Variants in PIGT observed in about 807,000 individuals in gnomAD.
The protein encoded by PIGT is GPI-anchor transamidase component PIGT.
Under a neutral mutation model 66.7 loss-of-function variants are expected in PIGT, and 57 were observed. The ratio of observed to expected loss-of-function variants is 0.86; its 90% CI spans 0.69 to 1.07. The LOEUF is 1.07. Among genes scored for constraint, PIGT ranks in the 50% least tolerant of loss-of-function variants. The probability of loss-of-function intolerance (pLI) is 0.00; values close to 1 mark genes in which losing one functional copy is unlikely to be tolerated. For missense variants in PIGT, 725 were observed against 740.4 expected (o/e 0.98, Z 0.24); for synonymous variants, 362 against 320.5 (o/e 1.13, Z -1.38).
intron 2 of PIGT, chr20:45,417,037 T>C: frequency 1.1e-5 from 2 of 182,692 alleles, no homozygotes; most frequent in Non-Finnish European, 2.3e-5. Context: ...AAGCCAACCA[T>C]AACATATCTG....
At chr20:45,424,907 C>T in intron 11 of PIGT, 2 of 345,114 alleles carry the variant, frequency 5.8e-6, no homozygotes, top group Non-Finnish European at 1.1e-5. Context: ...ACAGACTTGG[C>T]CCTGGCCTCC....
intron 8 of PIGT, 31 bp downstream of exon 8, chr20:45,420,724 T>G (rs1990308655): frequency 1.2e-6 from 2 of 1,610,264 alleles, no homozygotes; most frequent in Non-Finnish European, 1.7e-6. Flanking sequence ...ACTGCTGGGT[T>G]GCAACGGCTA....
Position 45,416,530 on chromosome 20 carries a change from G to C in PIGT, c.201G>C (p.Arg67Ser), listed in dbSNP as rs768625860. 1.3e-5 allele frequency: 21 copies of C among 1,613,968 alleles called. No homozygotes were observed. In the South Asian group the frequency reaches 2.3e-4, roughly 18 times the overall value. The change falls in exon 2 of 12, where the codon AGG becomes AGC. Residue 67 changes from arginine to serine, a missense_variant. Arg to Ser is a moderately radical substitution (Grantham distance 110, BLOSUM62 -1). Transcript: ENST00000279036. ...CCGTTTCCCCAGTGTCCCATTACAGGCTCTTTCCCAAAGCCCTGGGGCAGC... is the reference window on the plus strand; with the variant it reads ...CCGTTTCCCCAGTGTCCCATTACAGCCTCTTTCCCAAAGCCCTGGGGCAGC... ...ELQREGVSHY[R>S]LFPKALGQLI...
At chr20:45,424,118 A>G in intron 9 of PIGT, 98 bp from the exon 10 acceptor site, 8 of 1,115,890 alleles carry the variant, frequency 7.2e-6, no homozygotes, top group Non-Finnish European at 1.1e-5. Context: ...CCCATCTTCT[A>G]GGCACCCAGA....
Position 45,425,746 on chromosome 20 carries a change from A to G in PIGT, c.1657A>G (p.Ile553Val), listed in dbSNP as rs768408929. 4 of 1,613,896 alleles carry G rather than the reference A, an allele frequency of 2.5e-6. No homozygotes were observed. Among genetic ancestry groups the G allele is most frequent in the Middle Eastern group, 1.6e-4 (1 of 6,084 alleles). The change falls in exon 12 of 12, where the codon ATC becomes GTC. Residue 553 changes from isoleucine to valine, a missense_variant. By Grantham distance (29) the Ile-to-Val change is conservative. Transcript: ENST00000279036. ...FYNLLTRTFH[I>V]EEPRTGGLAK... ...CAATCTCCTCACCCGAACCTTCCAC[A>G]TCGAGGAGCCCCGCACAGGTGGCCT...
In PIGT at chr20:45,419,608, G is replaced by A. The variant is rs928745692; in HGVS notation, c.681+18G>A. On this transcript the variant is annotated intron_variant, in intron 5 of 11. Transcript: ENST00000279036. Reference sequence around the variant, plus strand: ...TTTGCAGAGTAAGTCATGGGGAGTAGAGGAAGCTGCCATCCAGGGGCTCAG... The same window carrying A: ...TTTGCAGAGTAAGTCATGGGGAGTAAAGGAAGCTGCCATCCAGGGGCTCAG... 3.8e-6 allele frequency: 6 copies of A among 1,568,730 alleles called. No individual in the cohort carries two copies. In the Admixed American group the frequency reaches 5.0e-5, roughly 13 times the overall value.
rs144409753 is a variant in PIGT at position 45,419,521 on chromosome 20, G to T, written c.612G>T (p.Leu204=). 28 of 1,614,088 alleles carry T rather than the reference G, an allele frequency of 1.7e-5. No homozygotes were observed. The African/African-American group carries it at 3.2e-4, about 18-fold the overall frequency. The change falls in exon 5 of 12, where the codon CTG becomes CTT. Residue 204 remains leucine, a synonymous_variant. Coordinates refer to ENST00000279036, the MANE Select transcript of PIGT (RefSeq NM_015937.6). Reference sequence around the variant, plus strand: ...TCCTCCAGGCAGGCCTCTCTGTGCTGCTGAAGGCAGATCGCTTGTTCCACA... The same window carrying T: ...TCCTCCAGGCAGGCCTCTCTGTGCTTCTGAAGGCAGATCGCTTGTTCCACA... The part of the protein sequence containing the change: ...PCSSKAGLSV[L]LKADRLFHTS...
chr20:45,423,549 C>A (rs2741568), intron 9 of PIGT: 1 of 151,790 alleles, frequency 6.6e-6, no homozygotes, highest in Non-Finnish European at 1.5e-5. Flanking sequence ...CTAGACTATT[C>A]TTAGAGCAGT....
At position 45,420,067 on chromosome 20, in the gene PIGT, G is replaced by C. The variant is rs747285837; in HGVS notation, c.682-69G>C. ...ATAGATGAGGGATTGAGTCTGAGTA[G>C]GAGTCTTTTTGGGGGCTGTGTGGTG... On this transcript the variant is annotated intron_variant, in intron 5 of 11. Transcript: ENST00000279036. 137 of 1,070,452 alleles carry C rather than the reference G, an allele frequency of 1.3e-4. 2 individuals carry two copies. In the South Asian group the frequency reaches 1.8e-3, roughly 14 times the overall value. 66.3% of individuals were successfully genotyped at this position (1,070,452 alleles called of 1,614,324 possible).
At position 45,419,978 on chromosome 20, in the gene PIGT, G is replaced by A. The variant is rs1990247385; in HGVS notation, c.682-158G>A. ...CTGATGCACATACAGCTGTCAGCAC[G>A]GGGTCTGGCACGAGGTCAAGTGCTC... On this transcript the variant is annotated intron_variant, in intron 5 of 11. Transcript: ENST00000279036. 2.2e-5 allele frequency: 14 copies of A among 626,364 alleles called. No homozygotes were observed. The South Asian group carries it at 2.4e-4, about 11-fold the overall frequency. The allele number at this position is 626,364 out of a possible 1,614,324, so 38.8% of individuals were successfully genotyped here.
In PIGT at chr20:45,416,593, A is replaced by C; in HGVS notation, c.264A>C (p.Ser88=). 6.2e-7 allele frequency: 1 copy of C among 1,614,194 alleles called. No homozygotes were observed. Among genetic ancestry groups the C allele is most frequent in the Non-Finnish European group, 8.5e-7 (1 of 1,180,020 alleles). ...ATTCTCTACGGGAGCTGCACCTGTC[A>C]TTCACACAAGGCTTTTGGAGGACCC... ...SKYSLRELHL[S]FTQGFWRTRY... The change falls in exon 2 of 12, where the codon TCA becomes TCC. Residue 88 remains serine (S), a synonymous_variant. Coordinates refer to ENST00000279036, the MANE Select transcript of PIGT (RefSeq NM_015937.6).
At position 45,416,515 on chromosome 20, in the gene PIGT, A is replaced by C. The variant is rs771691280; in HGVS notation, c.188-2A>C. On this transcript the variant is annotated splice_acceptor_variant, in intron 1 of 11. Coordinates refer to ENST00000279036, the MANE Select transcript of PIGT (RefSeq NM_015937.6). LOFTEE classifies it high-confidence loss of function. ...GTCACTCACCTGCTCCCGTTTCCCC[A>C]GTGTCCCATTACAGGCTCTTTCCCA... 2.5e-6 allele frequency: 4 copies of C among 1,613,572 alleles called. No homozygotes were observed. In the Admixed American group the frequency reaches 6.7e-5, roughly 27 times the overall value.
intron 5 of PIGT, chr20:45,419,902 T>A (rs1990239862): frequency 6.7e-6 from 4 of 599,526 alleles, no homozygotes; most frequent in Non-Finnish European, 1.2e-5. Flanking sequence ...CCCTGCCACA[T>A]GACATTGATA....
At chr20:45,422,912 A>C (rs908545058) in intron 9 of PIGT, 1 of 152,028 alleles carries the variant, frequency 6.6e-6, no homozygotes, top group Non-Finnish European at 1.5e-5. Context: ...GCTTTATACT[A>C]AGTTCCTCTC....
At position 45,420,372 on chromosome 20, in the gene PIGT, G is replaced by A; in HGVS notation, c.810G>A (p.Glu270=). Residue 270 remains glutamate (E), a synonymous_variant, in exon 7 of 12, where the codon GAG becomes GAA. Transcript: ENST00000279036. ...GGATGTTCTCCCGAACCCTCACGGA[G>A]CCCTGCCCCCTGGCTTCAGAGAGCC... ...LFRMFSRTLT[E]PCPLASESRV... is the part of the protein sequence containing the mutation. 1.2e-6 allele frequency: 2 copies of A among 1,613,660 alleles called. No individual in the cohort carries two copies. Among genetic ancestry groups the A allele is most frequent in the South Asian group, 2.2e-5 (2 of 91,006 alleles).
Position 45,421,435 on chromosome 20 carries a change from G to A in PIGT, c.1086G>A (p.Gly362=). The part of the protein sequence containing the change: ...LHAQRYVSGY[G]LQKGELSTLL... ...CCCAGCGGTACGTGAGTGGCTATGGGCTGCAGAAGGGGGAGCTGAGCACAC... is the reference window on the plus strand; with the variant it reads ...CCCAGCGGTACGTGAGTGGCTATGGACTGCAGAAGGGGGAGCTGAGCACAC... Residue 362 remains glycine (G), a synonymous_variant, in exon 9 of 12, where the codon GGG becomes GGA. Coordinates refer to ENST00000279036, the MANE Select transcript of PIGT (RefSeq NM_015937.6). The A allele has an allele frequency of 6.2e-7, 1 of 1,614,182 alleles. No homozygotes were observed. Among genetic ancestry groups the A allele is most frequent in the South Asian group, 1.1e-5 (1 of 91,082 alleles).
intron 11 of PIGT, chr20:45,425,154 T>A (rs909400637): frequency 1.2e-5 from 1 of 81,208 alleles, no homozygotes; most frequent in African/African-American, 4.9e-5. Flanking sequence ...TTTCTTTCTT[T>A]CTTTCTTTCT....
intron 5 of PIGT, 55 bp from the exon 6 acceptor site, chr20:45,420,081 G>T: frequency 3.2e-6 from 4 of 1,259,042 alleles, no homozygotes; most frequent in Non-Finnish European, 4.6e-6. Flanking sequence ...TCTTTTTGGG[G>T]GCTGTGTGGT....
Position 45,425,591 on chromosome 20 carries a change from G to T in PIGT, c.1502G>T (p.Gly501Val). The part of the protein sequence containing the change: ...LFNSLFPVSD[G>V]SNYFVRLYTE... ...GACCCCAGGTTCCCAGTCTCTGATG[G>T]CTCTAACTACTTTGTGCGGCTCTAC... Residue 501 changes from glycine to valine, a missense_variant, in exon 12 of 12, where the codon GGC becomes GTC. By Grantham distance (109) the Gly-to-Val change is moderately radical. Transcript: ENST00000279036. 1 of 1,613,802 alleles carries T rather than the reference G, an allele frequency of 6.2e-7. No individual in the cohort carries two copies. The highest frequency in any genetic ancestry group is 8.5e-7 in the Non-Finnish European group (1 of 1,180,002).
Sources: allele counts gnomAD v4.1 joint callset, GRCh38; gene constraint gnomAD v4.1.1; transcripts MANE v1.5; gene names NCBI Gene and HGNC (gene_info 2026-07-23, HGNC 2026-07-21).